The following ROR1 variants were observed in gnomAD, a reference collection of about 807,000 sequenced individuals.
ROR1 encodes inactive tyrosine-protein kinase transmembrane receptor ROR1.
A neutral mutation model predicts 78.8 loss-of-function variants in ROR1; 19 were observed. The ratio of observed to expected loss-of-function variants is 0.24; its 90% CI spans 0.17 to 0.35. The LOEUF is 0.35. ROR1 is among the 10% of genes least tolerant of loss of function. The pLI, the probability that ROR1 is intolerant of heterozygous loss-of-function variation, is 1.00. For synonymous variants in ROR1, 386 were observed against 433.6 expected (o/e 0.89, Z 1.36); for missense variants, 917 against 1,177.8 (o/e 0.78, Z 3.24).
intron 2 of ROR1, among the ~76,000 whole-genome samples, chr1:64,014,771 T>C (rs111805777): frequency 0.25 from 9,841 of 39,274 alleles, 2,581 homozygotes; most frequent in Middle Eastern, 0.47. Flanking sequence ...TATATATATA[T>C]ATACACATTT....
intron 1 of ROR1, among the ~76,000 whole-genome samples, chr1:63,841,708 T>A (rs535139428): frequency 6.6e-6 from 1 of 152,348 alleles, no homozygotes; most frequent in South Asian, 2.1e-4. Context: ...GGATCTGTTT[T>A]TAGCCATTTA....
chr1:64,121,703 T>G (rs982106657), intron 4 of ROR1, among the ~76,000 whole-genome samples: 2 of 150,944 alleles, frequency 1.3e-5, no homozygotes, highest in Non-Finnish European at 3.0e-5. Flanking sequence ...CATCCAATAT[T>G]GGCTGCACCA....
At chr1:64,070,147 T>C (rs547574633) in intron 4 of ROR1, among the ~76,000 whole-genome samples, 5 of 152,274 alleles carry the variant, frequency 3.3e-5, no homozygotes, top group African/African-American at 1.2e-4. Context: ...TCATACACAG[T>C]ATGTGGCCTT....
At chr1:63,850,924 T>C (rs1480319510) in intron 1 of ROR1, among the ~76,000 whole-genome samples, 1 of 152,196 alleles carries the variant, frequency 6.6e-6, no homozygotes, top group East Asian at 1.9e-4. Flanking sequence ...CCTTGCTCTC[T>C]ATATCAGCAG....
intron 2 of ROR1, among the ~76,000 whole-genome samples, chr1:64,028,196 C>T (rs1166590044): frequency 1.3e-5 from 2 of 152,076 alleles, no homozygotes; most frequent in Non-Finnish European, 2.9e-5. Context: ...GTCAGCATTC[C>T]CATTTTGTCA....
intron 4 of ROR1, among the ~76,000 whole-genome samples, chr1:64,053,863 C>T (rs1340707732): frequency 6.6e-6 from 1 of 152,126 alleles, no homozygotes; most frequent in Non-Finnish European, 1.5e-5. Context: ...AAAATGACTA[C>T]CTAAGTTGTT....
chr1:63,902,966 G>A (rs1465415551), intron 1 of ROR1, among the ~76,000 whole-genome samples: 5 of 152,172 alleles, frequency 3.3e-5, no homozygotes, highest in Admixed American at 6.5e-5. Flanking sequence ...GATGGGCAAA[G>A]TGTAGGCACA....
At chr1:64,152,035 AGT>A (rs1404718645) in intron 7 of ROR1, among the ~76,000 whole-genome samples, 1 of 152,194 alleles carries the variant, frequency 6.6e-6, no homozygotes, top group Non-Finnish European at 1.5e-5. Context: ...TCCACTTCAA[AGT>A]GATTATGGAA....
In ROR1 at chr1:63,806,612, T is replaced by C. The variant is rs147351781; in HGVS notation, c.91+32104T>C. Among the ~76,000 whole-genome samples, 766 of 152,352 alleles carry C rather than the reference T, an allele frequency of 5.0e-3. 4 individuals carry two copies. Among genetic ancestry groups the C allele is most frequent in the African/African-American group, 0.015 (631 of 41,590 alleles). On this transcript the variant is annotated intron_variant, in intron 1 of 8. Transcript: ENST00000371079. ...GATTACAGGCGTGAGCCACCGCGCC[T>C]GGCCCAGACTATTTAATTTTTGTAA...
In ROR1 at chr1:64,049,707, C is replaced by T. The variant is rs1772626; in HGVS notation, c.180C>T (p.Leu60=). ...SELNKDSYLT[L]DEPMNNITTS... ...TGCTCACAGATTCTTACCTGACCCTCGATGAACCAATGAATAACATCACCA... is the reference window on the plus strand; with the variant it reads ...TGCTCACAGATTCTTACCTGACCCTTGATGAACCAATGAATAACATCACCA... The change falls in exon 3 of 9, where the codon CTC becomes CTT. Residue 60 remains leucine, a synonymous_variant. Coordinates refer to ENST00000371079, the MANE Select transcript of ROR1 (RefSeq NM_005012.4). 0.84 allele frequency: 1,361,433 copies of T among 1,613,364 alleles called. 576,951 individuals carry two copies. The highest frequency in any genetic ancestry group is 0.96 in the East Asian group (43,180 of 44,846).
chr1:64,169,007 C>T (rs1185751318), intron 8 of ROR1, among the ~76,000 whole-genome samples: 2 of 152,242 alleles, frequency 1.3e-5, no homozygotes, highest in Non-Finnish European at 2.9e-5. Flanking sequence ...CCAGCAATCC[C>T]AGCAATCTGT....
intron 1 of ROR1, among the ~76,000 whole-genome samples, chr1:63,841,426 G>A (rs934852998): frequency 2.0e-5 from 3 of 152,208 alleles, no homozygotes; most frequent in African/African-American, 4.8e-5. Context: ...GAAGGTAGGA[G>A]TGATCCTGTG....
intron 1 of ROR1, among the ~76,000 whole-genome samples, chr1:63,785,128 A>G (rs1644676281): frequency 6.6e-6 from 1 of 152,212 alleles, no homozygotes; most frequent in African/African-American, 2.4e-5. Context: ...CCATTTCCGG[A>G]TGGGTTTAGA....
chr1:63,861,140 C>T (rs1170701109), intron 1 of ROR1, among the ~76,000 whole-genome samples: 1 of 152,152 alleles, frequency 6.6e-6, no homozygotes, highest in Non-Finnish European at 1.5e-5. Context: ...GGGAAGAACA[C>T]AGCTGTCCAG....
intron 1 of ROR1, among the ~76,000 whole-genome samples, chr1:63,804,155 C>T (rs190326599): frequency 9.9e-5 from 15 of 152,148 alleles, no homozygotes; most frequent in Admixed American, 9.8e-4. Context: ...ATGGCTGTGG[C>T]TGTGAAGGAG....
chr1:63,801,969 A>G (rs1644800298), intron 1 of ROR1, among the ~76,000 whole-genome samples: 1 of 152,160 alleles, frequency 6.6e-6, no homozygotes, highest in African/African-American at 2.4e-5. Context: ...AGCACTGTAA[A>G]TGGGGAATTC....
chr1:64,065,498 T>C (rs949801205), intron 4 of ROR1, among the ~76,000 whole-genome samples: 16 of 152,166 alleles, frequency 1.1e-4, no homozygotes, highest in African/African-American at 3.6e-4. Context: ...AGATAGGTAA[T>C]GCAGGGGTCC....
chr1:63,877,883 A>G (rs1001802745), intron 1 of ROR1, among the ~76,000 whole-genome samples: 1 of 152,170 alleles, frequency 6.6e-6, no homozygotes, highest in Non-Finnish European at 1.5e-5. Context: ...GAACATATCA[A>G]ACAAGACAAA....
At chr1:64,045,412 A>G (rs1234247340) in intron 2 of ROR1, among the ~76,000 whole-genome samples, 1 of 152,090 alleles carries the variant, frequency 6.6e-6, no homozygotes, top group African/African-American at 2.4e-5. Context: ...TTATTAAAAT[A>G]TTTATGTTAA....
Sources: allele counts gnomAD v4.1 joint callset (sites outside exome capture counted in the v4.1 genomes callset), GRCh38; gene constraint gnomAD v4.1.1; transcripts MANE v1.5; gene names NCBI Gene and HGNC (gene_info 2026-07-23, HGNC 2026-07-21).